Variants in CLPSL1 observed in about 807,000 individuals in gnomAD.
CLPSL1 encodes the protein colipase-like protein 1.
A neutral mutation model predicts 9.3 loss-of-function variants in CLPSL1; 13 were observed. The observed-to-expected ratio is 1.40, with a 90% confidence interval of 0.91 to 2.22. The LOEUF (loss-of-function observed/expected upper bound fraction) is 2.22. Ranked by LOEUF, CLPSL1 falls within the 30% of genes most tolerant of loss-of-function variation. The pLI, the probability that CLPSL1 is intolerant of heterozygous loss-of-function variation, is 0.00. For missense variants in CLPSL1, 164 were observed against 146.6 expected (o/e 1.12, Z -0.61); for synonymous variants, 58 against 56.9 (o/e 1.02, Z -0.08).
At chr6:35,781,358 AAGAG>A in intron 1 of CLPSL1, 149 bp downstream of exon 1, 1 of 1,274,016 alleles carries the variant, frequency 7.8e-7, no homozygotes, top group Non-Finnish European at 1.0e-6. Flanking sequence ...TCTCGGAGGA[AAGAG>A]AGAACAACCT....
intron 1 of CLPSL1, among the ~76,000 whole-genome samples, chr6:35,793,260 C>G (rs2151064156): frequency 1.3e-5 from 2 of 152,324 alleles, no homozygotes; most frequent in South Asian, 4.1e-4. Context: ...CCTGTCTCTA[C>G]TAAAAATGCA....
At chr6:35,782,031 C>T (rs1364646991) in intron 1 of CLPSL1, among the ~76,000 whole-genome samples, 5 of 152,186 alleles carry the variant, frequency 3.3e-5, no homozygotes, top group African/African-American at 7.2e-5. Context: ...GGATTACAGG[C>T]GTAAGCCACC....
chr6:35,791,810 A>G (rs6908638), downstream of CLPSL1, among the ~76,000 whole-genome samples: 40,975 of 146,440 alleles, frequency 0.28, 2,273 homozygotes, highest in African/African-American at 0.47. Context: ...GCTCACACCT[A>G]TAATCCTAGC....
At chr6:35,789,599 C>G (rs537387682), downstream of CLPSL1, among the ~76,000 whole-genome samples, 18 of 152,338 alleles carry the variant, frequency 1.2e-4, no homozygotes, top group African/African-American at 4.1e-4. Context: ...GGACTACATG[C>G]TGAAAAGCTC....
At chr6:35,787,218 G>T in intron 2 of CLPSL1, 98 bp downstream of exon 2, 1 of 1,389,120 alleles carries the variant, frequency 7.2e-7, no homozygotes, top group East Asian at 2.4e-5. Flanking sequence ...GTAGGTGGGC[G>T]GAAATGCCCT....
At chr6:35,784,577 T>C (rs1377835810) in intron 1 of CLPSL1, among the ~76,000 whole-genome samples, 1 of 152,200 alleles carries the variant, frequency 6.6e-6, no homozygotes, top group East Asian at 1.9e-4. Context: ...TATAGTTACT[T>C]AGATTTACAT....
intron 1 of CLPSL1, among the ~76,000 whole-genome samples, chr6:35,785,367 C>T (rs1350453134): frequency 1.3e-5 from 2 of 151,810 alleles, no homozygotes; most frequent in African/African-American, 2.4e-5. Context: ...TTAGTAGAGA[C>T]GGGGTTTCAC....
chr6:35,790,279 A>T (rs1768161157), downstream of CLPSL1, among the ~76,000 whole-genome samples: 2 of 152,270 alleles, frequency 1.3e-5, no homozygotes, highest in East Asian at 3.8e-4. Flanking sequence ...CCAGGAATAT[A>T]AAATGCTTTA....
chr6:35,787,737 G>A (rs1039306491), intron 2 of CLPSL1, 130 bp from the exon 3 acceptor site: 7 of 883,116 alleles, frequency 7.9e-6, no homozygotes, highest in Non-Finnish European at 1.2e-5. Context: ...TGAGCAGCTG[G>A]CAAGCTATCA....
downstream of CLPSL1, chr6:35,788,301 T>C (rs1768128505): frequency 3.0e-5 from 13 of 440,094 alleles, no homozygotes; most frequent in South Asian, 2.7e-4. Flanking sequence ...TGAATGAAAG[T>C]CCCCCAGAAG....
At chr6:35,792,032 G>A (rs1227700324), downstream of CLPSL1, among the ~76,000 whole-genome samples, 3 of 151,222 alleles carry the variant, frequency 2.0e-5, no homozygotes. Context: ...GCTGCAGTGA[G>A]CCGAGATCGC....
intron 1 of CLPSL1, among the ~76,000 whole-genome samples, chr6:35,785,762 G>A (rs1168901038): frequency 2.0e-5 from 3 of 151,962 alleles, no homozygotes; most frequent in Non-Finnish European, 2.9e-5. Flanking sequence ...ACTCATGCCT[G>A]TCTAACTACC....
downstream of CLPSL1, chr6:35,788,261 T>C: frequency 2.1e-6 from 1 of 485,646 alleles, no homozygotes; most frequent in Non-Finnish European, 3.8e-6. Context: ...GGGACACTGT[T>C]GGACTTGGGG....
At chr6:35,793,755 A>G (rs1768270693), downstream of CLPSL1, 1 of 364,306 alleles carries the variant, frequency 2.7e-6, no homozygotes, top group Non-Finnish European at 5.4e-6. Context: ...TTCATTGATC[A>G]CAGAACTGCA....
At position 35,781,191 on chromosome 6, in the gene CLPSL1, A is replaced by G. The variant is rs138924549; in HGVS notation, c.81A>G (p.Pro27=). 7.4e-4 allele frequency: 1,194 copies of G among 1,613,740 alleles called. 15 individuals are homozygous for G. In the East Asian group the frequency reaches 0.025, roughly 33 times the overall value. The part of the protein sequence containing the change: ...LFLLTRGSLS[P]TKYNLLELKE... ...TCCTCACCAGGGGCTCACTTTCTCC[A>G]ACAAAATACAACCTTTTGGTAAGAA... is the stretch of plus-strand genomic sequence containing the variant. Residue 27 remains proline (P), a synonymous_variant, in exon 1 of 3, where the codon CCA becomes CCG. Coordinates refer to ENST00000373861, the MANE Select transcript of CLPSL1 (RefSeq NM_001010886.5).
At chr6:35,791,766 A>G (rs1768215145), downstream of CLPSL1, among the ~76,000 whole-genome samples, 1 of 152,210 alleles carries the variant, frequency 6.6e-6, no homozygotes, top group Admixed American at 6.5e-5. Context: ...CCCCATCTCC[A>G]CTAAAAATAT....
At chr6:35,785,782 T>A (rs9470095) in intron 1 of CLPSL1, among the ~76,000 whole-genome samples, 1 of 151,368 alleles carries the variant, frequency 6.6e-6, no homozygotes, top group Admixed American at 6.6e-5. Context: ...CTGTAACATC[T>A]CTACAAAAAA....
At chr6:35,792,246 C>A (rs1387895116), downstream of CLPSL1, among the ~76,000 whole-genome samples, 1 of 152,162 alleles carries the variant, frequency 6.6e-6, no homozygotes, top group Non-Finnish European at 1.5e-5. Flanking sequence ...TGCATTCCAG[C>A]CTGGGTCACA....
chr6:35,788,672 G>T (rs1426059736), downstream of CLPSL1, among the ~76,000 whole-genome samples: 1 of 152,258 alleles, frequency 6.6e-6, no homozygotes, highest in African/African-American at 2.4e-5. Flanking sequence ...GGAGGCAAGA[G>T]AAAAGAGGGA....
Sources: gnomAD v4.1 joint callset for allele counts (sites outside exome capture counted in the v4.1 genomes callset) on GRCh38, gnomAD v4.1.1 for gene constraint, MANE v1.5 for transcripts, NCBI Gene and HGNC (gene_info 2026-07-23, HGNC 2026-07-21) for gene names.